The following ADK variants were observed in gnomAD, a reference collection of about 807,000 sequenced individuals.
ADK encodes the protein N6,N6-dimethyladenosine kinase.
A neutral mutation model predicts 44.7 loss-of-function variants in ADK; 24 were observed. The observed-to-expected ratio is 0.54, with a 90% confidence interval of 0.39 to 0.76. The LOEUF (loss-of-function observed/expected upper bound fraction) is 0.76, where lower values mean the gene tolerates loss of function less well. ADK is among the 30% of genes least tolerant of loss of function. ADK has a pLI of 0.00. For synonymous variants in ADK, 128 were observed against 142.6 expected, an observed-to-expected ratio of 0.90 and a Z score of 0.73; for missense variants, 321 against 425.1, an observed-to-expected ratio of 0.76 and a Z score of 2.15.
intron 6 of ADK, among the ~76,000 whole-genome samples, chr10:74,459,049 C>T (rs541053536): frequency 1.2e-4 from 18 of 151,984 alleles, no homozygotes; most frequent in Middle Eastern, 3.4e-3. Flanking sequence ...GAGGCTGAGG[C>T]GGGTGGATCA....
At chr10:74,617,350 T>C (rs1389375806) in intron 9 of ADK, among the ~76,000 whole-genome samples, 1 of 152,204 alleles carries the variant, frequency 6.6e-6, no homozygotes, top group Non-Finnish European at 1.5e-5. Context: ...TTTCTTTCCA[T>C]TAATAGTTTG....
At chr10:74,466,179 C>A (rs1846352207) in intron 6 of ADK, among the ~76,000 whole-genome samples, 1 of 152,068 alleles carries the variant, frequency 6.6e-6, no homozygotes, top group Admixed American at 6.6e-5. Context: ...GTGTAAAATA[C>A]ATGTCATAAA....
chr10:74,395,087 T>C (rs1469476458), intron 5 of ADK, among the ~76,000 whole-genome samples: 1 of 152,186 alleles, frequency 6.6e-6, no homozygotes, highest in Non-Finnish European at 1.5e-5. Flanking sequence ...GCCCTAGCTA[T>C]TATATTGTTG....
At chr10:74,226,561 C>T (rs989261458) in intron 3 of ADK, among the ~76,000 whole-genome samples, 3 of 151,932 alleles carry the variant, frequency 2.0e-5, no homozygotes, top group South Asian at 2.1e-4. Flanking sequence ...GGATGCATTT[C>T]GAAGTAAATT....
At chr10:74,706,011 A>G (rs974787521) in intron 10 of ADK, among the ~76,000 whole-genome samples, 1 of 152,200 alleles carries the variant, frequency 6.6e-6, no homozygotes, top group Admixed American at 6.5e-5. Context: ...TAATTGTGAC[A>G]AAGTTCAGAT....
chr10:74,679,080 T>A (rs771761409), intron 10 of ADK, among the ~76,000 whole-genome samples: 19 of 152,202 alleles, frequency 1.2e-4, no homozygotes, highest in Non-Finnish European at 2.5e-4. Flanking sequence ...ATTAAGTAAT[T>A]TGCCCAAGGT....
At chr10:74,501,696 C>T (rs1847890085) in intron 6 of ADK, among the ~76,000 whole-genome samples, 2 of 152,062 alleles carry the variant, frequency 1.3e-5, no homozygotes, top group Admixed American at 1.3e-4. Flanking sequence ...AGTACTGATG[C>T]ATGATAGAAT....
chr10:74,403,450 C>T (rs1262608686), intron 6 of ADK, among the ~76,000 whole-genome samples: 1 of 152,276 alleles, frequency 6.6e-6, no homozygotes, highest in East Asian at 1.9e-4. Context: ...ATGGCGGGCA[C>T]CCCTCCCCCA....
chr10:74,236,678 G>C (rs1844971957), intron 3 of ADK, among the ~76,000 whole-genome samples: 1 of 152,076 alleles, frequency 6.6e-6, no homozygotes, highest in Non-Finnish European at 1.5e-5. Flanking sequence ...TGGAGATATT[G>C]GGGGTTTGGT....
intron 3 of ADK, among the ~76,000 whole-genome samples, chr10:74,294,259 G>A (rs187771305): frequency 1.3e-4 from 20 of 151,302 alleles, no homozygotes; most frequent in African/African-American, 4.6e-4. Context: ...GTGTCTTTTG[G>A]TGCTCATATG....
intron 4 of ADK, among the ~76,000 whole-genome samples, chr10:74,389,223 AAAG>A (rs1397983195): frequency 2.6e-5 from 4 of 152,306 alleles, no homozygotes; most frequent in South Asian, 4.1e-4. Context: ...ATTTTAGCTA[AAAG>A]AAGGAGCATA....
At chr10:74,156,108 G>A (rs925615694) in intron 1 of ADK, among the ~76,000 whole-genome samples, 6 of 152,078 alleles carry the variant, frequency 3.9e-5, no homozygotes, top group Non-Finnish European at 7.4e-5. Flanking sequence ...GAGAGCCAGA[G>A]GAAAGCTTGC....
chr10:74,497,093 A>T (rs1473826233), intron 6 of ADK, among the ~76,000 whole-genome samples: 1 of 152,114 alleles, frequency 6.6e-6, no homozygotes, highest in Non-Finnish European at 1.5e-5. Flanking sequence ...GACTACAGGG[A>T]CTACGGGCGC....
At chr10:74,699,148 CTTTTT>C (rs58818883) in intron 10 of ADK, among the ~76,000 whole-genome samples, 7 of 123,914 alleles carry the variant, frequency 5.6e-5, no homozygotes, top group Admixed American at 8.5e-5. Flanking sequence ...CCAACCTAGC[CTTTTT>C]TTTTTTTTTT....
At chr10:74,205,816 A>G (rs1277128747) in intron 2 of ADK, among the ~76,000 whole-genome samples, 13 of 152,232 alleles carry the variant, frequency 8.5e-5, no homozygotes, top group Admixed American at 5.9e-4. Flanking sequence ...TCTATTCCTG[A>G]TGAAAAAAAA....
chr10:74,278,930 T>G (rs1278956475), intron 3 of ADK, among the ~76,000 whole-genome samples: 1 of 152,234 alleles, frequency 6.6e-6, no homozygotes, highest in Non-Finnish European at 1.5e-5. Flanking sequence ...AATCTTTATT[T>G]TTTAACATAA....
At chr10:74,695,080 A>G (rs1467710849) in intron 10 of ADK, among the ~76,000 whole-genome samples, 1 of 152,156 alleles carries the variant, frequency 6.6e-6, no homozygotes, top group African/African-American at 2.4e-5. Flanking sequence ...TTGTAGCTCA[A>G]GTTTCCACCT....
At chr10:74,209,825 A>G (rs1843741794) in intron 2 of ADK, among the ~76,000 whole-genome samples, 1 of 152,250 alleles carries the variant, frequency 6.6e-6, no homozygotes, top group Admixed American at 6.5e-5. Context: ...GCATGAGGGG[A>G]TAGGAAATGT....
chr10:74,508,974 G>C (rs1244682255), intron 6 of ADK, among the ~76,000 whole-genome samples: 1 of 151,786 alleles, frequency 6.6e-6, no homozygotes, highest in Non-Finnish European at 1.5e-5. Flanking sequence ...TAAGAAACAA[G>C]GTCTTGCTAT....
Sources: allele counts gnomAD v4.1 joint callset (sites outside exome capture counted in the v4.1 genomes callset), GRCh38; gene constraint gnomAD v4.1.1; transcripts MANE v1.5; gene names NCBI Gene and HGNC (gene_info 2026-07-23, HGNC 2026-07-21).